Variants in ASAP2 observed in about 807,000 individuals in gnomAD.
ASAP2 encodes the protein arf-GAP with SH3 domain, ANK repeat and PH domain-containing protein 2.
In ASAP2, 45 loss-of-function variants were observed where a neutral mutation model predicts 131.4. The observed-to-expected ratio is 0.34, with a 90% confidence interval of 0.27 to 0.44. The LOEUF is 0.44. Ranked by LOEUF, ASAP2 falls within the 20% of genes least tolerant of loss-of-function variation. The probability of loss-of-function intolerance (pLI) is 1.00; values close to 1 mark genes in which losing one functional copy is unlikely to be tolerated. For missense variants in ASAP2, 1,011 were observed against 1,297.0 expected, an observed-to-expected ratio of 0.78 and a Z score of 3.39; for synonymous variants, 510 against 503.0, an observed-to-expected ratio of 1.01 and a Z score of -0.19.
intron 1 of ASAP2, among the ~76,000 whole-genome samples, chr2:9,275,665 C>G (rs772004684): frequency 2.0e-5 from 3 of 152,306 alleles, no homozygotes; most frequent in Middle Eastern, 3.4e-3. Flanking sequence ...AAGCACAGCT[C>G]CCGTTTCCCC....
At chr2:9,214,928 C>T (rs1374402028) in intron 1 of ASAP2, among the ~76,000 whole-genome samples, 3 of 152,168 alleles carry the variant, frequency 2.0e-5, no homozygotes, top group Admixed American at 1.3e-4. Context: ...TGATCTGCCT[C>T]TTCAGAAAAA....
At chr2:9,248,693 T>G (rs762861411) in intron 1 of ASAP2, among the ~76,000 whole-genome samples, 1 of 152,186 alleles carries the variant, frequency 6.6e-6, no homozygotes, top group Non-Finnish European at 1.5e-5. Context: ...TTTACTCTGC[T>G]TGTAACTTTC....
intron 17 of ASAP2, among the ~76,000 whole-genome samples, chr2:9,375,331 G>A (rs116169004): frequency 0.01 from 1,595 of 152,158 alleles, 30 homozygotes; most frequent in African/African-American, 0.037. Flanking sequence ...GGAATCAGCA[G>A]TACTGACCAA....
chr2:9,223,429 T>C (rs1308111919), intron 1 of ASAP2, among the ~76,000 whole-genome samples: 1 of 152,218 alleles, frequency 6.6e-6, no homozygotes, highest in Non-Finnish European at 1.5e-5. Flanking sequence ...ATCTGGAACA[T>C]GCAGGCTTCA....
At chr2:9,213,380 G>C (rs1572171575) in intron 1 of ASAP2, among the ~76,000 whole-genome samples, 3 of 152,226 alleles carry the variant, frequency 2.0e-5, no homozygotes, top group Admixed American at 6.5e-5. Context: ...GCAGTGCCAG[G>C]TCACAGAGGG....
At chr2:9,373,141 G>A (rs1323886665) in intron 16 of ASAP2, among the ~76,000 whole-genome samples, 2 of 152,072 alleles carry the variant, frequency 1.3e-5, no homozygotes, top group East Asian at 1.9e-4. Flanking sequence ...GCCGGGGGAC[G>A]TTGAGGCACC....
At chr2:9,323,938 C>T (rs1229941632) in intron 6 of ASAP2, among the ~76,000 whole-genome samples, 4 of 152,176 alleles carry the variant, frequency 2.6e-5, no homozygotes, top group African/African-American at 9.7e-5. Context: ...TTGCCAGGTA[C>T]GTGTATACAA....
chr2:9,241,443 A>G (rs1338128999), intron 1 of ASAP2, among the ~76,000 whole-genome samples: 1 of 152,198 alleles, frequency 6.6e-6, no homozygotes, highest in East Asian at 1.9e-4. Flanking sequence ...ACATACATAC[A>G]TGAAAATCAA....
intron 23 of ASAP2, 44 bp from the exon 24 acceptor site, chr2:9,393,438 G>A (rs1675868236): frequency 6.5e-7 from 1 of 1,530,904 alleles, no homozygotes; most frequent in Non-Finnish European, 8.8e-7. Flanking sequence ...TGAGTGGGAA[G>A]CCTGGCGGCT....
At chr2:9,350,197 G>A (rs1004884386) in intron 11 of ASAP2, among the ~76,000 whole-genome samples, 3 of 152,198 alleles carry the variant, frequency 2.0e-5, no homozygotes, top group East Asian at 1.9e-4. Context: ...GCTTGGTGTC[G>A]TGTGTGGGGG....
chr2:9,235,549 C>A (rs879273342), intron 1 of ASAP2, among the ~76,000 whole-genome samples: 1 of 152,110 alleles, frequency 6.6e-6, no homozygotes, highest in Admixed American at 6.5e-5. Flanking sequence ...ATTGGAAAGC[C>A]CAGTACATTA....
intron 1 of ASAP2, among the ~76,000 whole-genome samples, chr2:9,252,037 T>TA (rs1231274237): frequency 3.9e-5 from 6 of 152,162 alleles, no homozygotes; most frequent in African/African-American, 1.2e-4. Flanking sequence ...CAGTAGGTGT[T>TA]AGAGTGTTAG....
At chr2:9,234,811 C>T (rs1275469710) in intron 1 of ASAP2, among the ~76,000 whole-genome samples, 1 of 152,168 alleles carries the variant, frequency 6.6e-6, no homozygotes, top group Non-Finnish European at 1.5e-5. Context: ...TCCGGCCTTG[C>T]GAATGCTTCA....
chr2:9,311,655 C>T lies in ASAP2; in HGVS notation c.346-6869C>T, dbSNP rs1425717344. Among the ~76,000 whole-genome samples the T allele has an allele frequency of 2.0e-5, 3 of 152,208 alleles. No homozygotes were observed. Among genetic ancestry groups the T allele is most frequent in the African/African-American group, 7.2e-5 (3 of 41,450 alleles). On this transcript the variant is annotated intron_variant, in intron 3 of 27. Transcript: ENST00000281419. The surrounding 1 kb of genome is among the most constrained non-coding windows in gnomAD (Gnocchi z 5.2). ...AGCACAAGGGATATGTAATCATCTT[C>T]TGGCTGTGGTTTCCGTCCCTCTCGG... is the stretch of plus-strand genomic sequence containing the variant.
chr2:9,290,525 G>A (rs1259777618), intron 2 of ASAP2, among the ~76,000 whole-genome samples: 1 of 152,176 alleles, frequency 6.6e-6, no homozygotes, highest in African/African-American at 2.4e-5. Flanking sequence ...TTCTTAATAG[G>A]CACAGGCACA....
intron 24 of ASAP2, among the ~76,000 whole-genome samples, chr2:9,397,501 A>C (rs1396213572): frequency 6.6e-6 from 1 of 151,848 alleles, no homozygotes; most frequent in African/African-American, 2.4e-5. Flanking sequence ...ACTGTAAAGG[A>C]ACACACCGGT....
intron 3 of ASAP2, among the ~76,000 whole-genome samples, chr2:9,317,453 C>CTT (rs36078682): frequency 0.086 from 13 of 152 alleles, no homozygotes; most frequent in Non-Finnish European, 0.19. Context: ...CTCACACACA[C>CTT]ATGTGCATTC....
At chr2:9,383,993 T>C (rs1675067579) in intron 20 of ASAP2, among the ~76,000 whole-genome samples, 1 of 150,402 alleles carries the variant, frequency 6.6e-6, no homozygotes, top group African/African-American at 2.4e-5. Context: ...GCGGGGAACA[T>C]CACAAACCGG....
At chr2:9,342,363 A>G (rs952719641) in intron 9 of ASAP2, among the ~76,000 whole-genome samples, 5 of 152,254 alleles carry the variant, frequency 3.3e-5, no homozygotes, top group Non-Finnish European at 2.9e-5. Context: ...AAATCCTTAC[A>G]TTTAGAGATG....
Sources: allele counts gnomAD v4.1 joint callset (sites outside exome capture counted in the v4.1 genomes callset), GRCh38; gene constraint gnomAD v4.1.1; non-coding constraint Gnocchi (gnomAD v3.1); transcripts MANE v1.5; gene names NCBI Gene and HGNC (gene_info 2026-07-23, HGNC 2026-07-21).